The following GRIK3 variants were observed in gnomAD, a reference collection of about 807,000 sequenced individuals.
The protein encoded by GRIK3 is glutamate ionotropic receptor kainate type subunit 3.
A neutral mutation model predicts 102.5 loss-of-function variants in GRIK3; 29 were observed. That is an observed-to-expected ratio of 0.28 (90% CI 0.21 to 0.39). The LOEUF (loss-of-function observed/expected upper bound fraction) is 0.39. Among genes scored for constraint, GRIK3 ranks in the 10% least tolerant of loss-of-function variants. GRIK3 has a pLI of 1.00. For missense variants in GRIK3, 908 were observed against 1,252.4 expected (o/e 0.73, Z 4.15); for synonymous variants, 511 against 504.9 (o/e 1.01, Z -0.16).
intron 5 of GRIK3, 105 bp from the exon 6 acceptor site, chr1:36,860,122 C>A: frequency 1.2e-6 from 1 of 840,956 alleles, no homozygotes; most frequent in Non-Finnish European, 1.9e-6. Context: ...GGCCTGAGGT[C>A]GCAGCTCCCT....
At chr1:37,002,340 C>T (rs1051827576) in intron 1 of GRIK3, among the ~76,000 whole-genome samples, 2 of 152,202 alleles carry the variant, frequency 1.3e-5, no homozygotes, top group Non-Finnish European at 2.9e-5. Context: ...TCCAACCCAA[C>T]AACCAGCTGA....
rs1642749305 is a variant in GRIK3 at position 36,825,804 on chromosome 1, G to C, written c.1553C>G (p.Pro518Arg). 6.2e-7 allele frequency: 1 copy of C among 1,611,976 alleles called. No individual in the cohort carries two copies. The highest frequency in any genetic ancestry group is 8.5e-7 in the Non-Finnish European group (1 of 1,179,036). Residue 518 changes from proline (P) to arginine (R), a missense_variant, in exon 11 of 16, where the codon CCC becomes CGC. Pro to Arg is a moderately radical substitution (Grantham distance 103). Around this residue, in one of 3 missense-constraint regions of GRIK3, gnomAD observed 585 missense variants for 824.9 expected, o/e 0.71. Transcript: ENST00000373091. ...CTCTCGAACATGGGTGATGGTCAGG[G>C]GGGCCACGGCCAGATCTGCCTTCTG... ...IDHKADLAVA[P>R]LTITHVREKA...
At chr1:36,998,091 T>C (rs1642438989) in intron 1 of GRIK3, among the ~76,000 whole-genome samples, 1 of 152,210 alleles carries the variant, frequency 6.6e-6, no homozygotes, top group Non-Finnish European at 1.5e-5. Context: ...GAGGGGGCAG[T>C]GTTGTCCAGG....
Position 36,831,409 on chromosome 1 carries a change from C to T in GRIK3, c.1531-5583G>A, listed in dbSNP as rs143618921. Among the ~76,000 whole-genome samples the T allele has an allele frequency of 3.1e-3, 474 of 152,332 alleles. 6 individuals carry two copies. The highest frequency in any genetic ancestry group is 0.011 in the African/African-American group (440 of 41,582). ...ACCAGCCTCACTCCTGCCATGCATA[C>T]GGGACTATTCCCAGGGGACTCTGCT... is the stretch of plus-strand genomic sequence containing the variant. On this transcript the variant is annotated intron_variant, in intron 10 of 15. Transcript: ENST00000373091.
intron 1 of GRIK3, among the ~76,000 whole-genome samples, chr1:36,986,772 A>G (rs1328421333): frequency 6.6e-6 from 1 of 152,224 alleles, no homozygotes; most frequent in Non-Finnish European, 1.5e-5. Context: ...TTAAAGAATG[A>G]GTGGCAGTCT....
intron 1 of GRIK3, among the ~76,000 whole-genome samples, chr1:36,983,636 T>A (rs772905366): frequency 3.9e-5 from 6 of 152,092 alleles, no homozygotes; most frequent in Non-Finnish European, 7.4e-5. Context: ...AGGCCTTGAA[T>A]CCATGCTCTT....
At chr1:36,981,492 C>G (rs528142496) in intron 1 of GRIK3, among the ~76,000 whole-genome samples, 3 of 152,230 alleles carry the variant, frequency 2.0e-5, no homozygotes, top group Non-Finnish European at 2.9e-5. Flanking sequence ...AGACTCCTTA[C>G]AGCCACACAG....
chr1:36,874,135 G>A (rs1640886541), intron 3 of GRIK3, among the ~76,000 whole-genome samples: 1 of 152,168 alleles, frequency 6.6e-6, no homozygotes, highest in Non-Finnish European at 1.5e-5. Context: ...TCTGGAAAGA[G>A]TCCCCCTGAC....
In GRIK3 at chr1:36,880,082, T is replaced by C. The variant is rs1476155971; in HGVS notation, c.550+552A>G. Among the ~76,000 whole-genome samples the C allele has an allele frequency of 6.6e-6, 1 of 152,156 alleles. No homozygotes were observed. Among genetic ancestry groups the C allele is most frequent in the African/African-American group, 2.4e-5 (1 of 41,438 alleles). On this transcript the variant is annotated intron_variant, in intron 3 of 15. Transcript: ENST00000373091. This position sits in a 1 kb window ranked among gnomAD's most constrained non-coding sequence, Gnocchi z 5.4. The stretch of plus-strand genomic sequence containing the variant: ...CACTGCATGTCAGTGCTTGTCACTG[T>C]CATCTTGTAATCCCACATTTTACAG...
chr1:36,816,613 C>T (rs1026158301), intron 13 of GRIK3, among the ~76,000 whole-genome samples: 2 of 152,194 alleles, frequency 1.3e-5, no homozygotes, highest in Admixed American at 1.3e-4. Flanking sequence ...AGTTCTAAGC[C>T]TCCTCCCTTC....
intron 1 of GRIK3, among the ~76,000 whole-genome samples, chr1:36,921,724 G>A (rs1306331546): frequency 6.6e-6 from 1 of 151,912 alleles, no homozygotes; most frequent in Admixed American, 6.6e-5. Context: ...TTCTTTCTTA[G>A]GGAAGTACAT....
chr1:36,873,487 T>C (rs749726924), intron 3 of GRIK3, among the ~76,000 whole-genome samples: 1 of 152,018 alleles, frequency 6.6e-6, no homozygotes, highest in African/African-American at 2.4e-5. Context: ...CTGTATATAC[T>C]TCCCGCCCCT....
chr1:36,931,703 T>C (rs1329652398), intron 1 of GRIK3, among the ~76,000 whole-genome samples: 1 of 152,170 alleles, frequency 6.6e-6, no homozygotes, highest in Non-Finnish European at 1.5e-5. Context: ...ATCTTCCTAA[T>C]TTGGCATCAG....
intron 1 of GRIK3, among the ~76,000 whole-genome samples, chr1:36,985,788 A>C (rs969164291): frequency 3.9e-5 from 6 of 152,168 alleles, no homozygotes; most frequent in Non-Finnish European, 7.4e-5. Flanking sequence ...GCCACTCCCC[A>C]GAACTCCTGC....
At chr1:36,857,706 G>A (rs1026257187) in intron 7 of GRIK3, among the ~76,000 whole-genome samples, 3 of 152,262 alleles carry the variant, frequency 2.0e-5, no homozygotes, top group Non-Finnish European at 4.4e-5. Context: ...TGTGAGAGGA[G>A]CTGTACTTGG....
At chr1:36,897,036 A>C (rs1205515476) in intron 1 of GRIK3, among the ~76,000 whole-genome samples, 1 of 152,160 alleles carries the variant, frequency 6.6e-6, no homozygotes, top group Admixed American at 6.5e-5. Context: ...CCCACAGCAA[A>C]TGTCATACTC....
At chr1:36,831,146 C>T (rs1557695793) in intron 10 of GRIK3, among the ~76,000 whole-genome samples, 1 of 152,178 alleles carries the variant, frequency 6.6e-6, no homozygotes, top group Non-Finnish European at 1.5e-5. Context: ...TGCTGCTGTC[C>T]CCACCCCAGC....
At chr1:36,996,930 G>A (rs1642426603) in intron 1 of GRIK3, among the ~76,000 whole-genome samples, 1 of 152,200 alleles carries the variant, frequency 6.6e-6, no homozygotes, top group Admixed American at 6.5e-5. Context: ...CAGTTGTGGG[G>A]GAGGGTGCTA....
intron 10 of GRIK3, among the ~76,000 whole-genome samples, chr1:36,828,698 T>C (rs929859719): frequency 6.6e-6 from 1 of 152,258 alleles, no homozygotes; most frequent in African/African-American, 2.4e-5. Flanking sequence ...CCAAAGTCAT[T>C]ATCATTGCTC....
Sources: allele counts gnomAD v4.1 joint callset (sites outside exome capture counted in the v4.1 genomes callset), GRCh38; gene constraint gnomAD v4.1.1; regional missense constraint gnomAD v4.1.1; non-coding constraint Gnocchi (gnomAD v3.1); transcripts MANE v1.5; gene names NCBI Gene and HGNC (gene_info 2026-07-23, HGNC 2026-07-21).